The following UNC13D variants were observed in gnomAD, a reference collection of about 807,000 sequenced individuals.
UNC13D encodes unc-13 homolog D, also known as protein unc-13 homolog D.
UNC13D carries 115 observed loss-of-function variants against 151.7 expected under a neutral mutation model. That is an observed-to-expected ratio of 0.76 (90% CI 0.65 to 0.88). The LOEUF (loss-of-function observed/expected upper bound fraction) is 0.88, where lower values mean the gene tolerates loss of function less well. Ranked by LOEUF, UNC13D falls within the 40% of genes least tolerant of loss-of-function variation. The pLI is 0.00. For missense variants in UNC13D, 1,369 were observed against 1,438.7 expected (o/e 0.95, Z 0.78); for synonymous variants, 588 against 612.2 (o/e 0.96, Z 0.58).
intron 12 of UNC13D, among the ~76,000 whole-genome samples, chr17:75,839,393 T>A (rs181331389): frequency 2.1e-4 from 26 of 123,724 alleles, no homozygotes; most frequent in African/African-American, 9.1e-4. Context: ...GCAACAAGGG[T>A]GAAACTCCGT....
Position 75,844,221 on chromosome 17 carries a change from C to T in UNC13D, c.117G>A (p.Glu39=), listed in dbSNP as rs1386789985. ...CTCTCCCCAGTGAGGTCACTCCTAC[C>T]TCCGGGGCCATTTGGGGCGGGGGAT... ...LQDPPPQMAP[E]IQPPSHHFSP... is the part of the protein sequence containing the mutation. Residue 39 remains glutamate, a splice_region_variant and synonymous_variant, in exon 1 of 32, where the codon GAG becomes GAA. Transcript: ENST00000207549. The T allele has an allele frequency of 6.2e-7, 1 of 1,611,554 alleles. No homozygotes were observed. The highest frequency in any genetic ancestry group is 2.2e-5 in the East Asian group (1 of 44,882).
chr17:75,844,229 C>A lies in UNC13D; in HGVS notation c.109G>T (p.Ala37Ser). ...RDLQDPPPQM[A>S]PEIQPPSHHF... is the part of the protein sequence containing the mutation. ...AGTGAGGTCACTCCTACCTCCGGGG[C>A]CATTTGGGGCGGGGGATCCTGTAGA... The change falls in exon 1 of 32, where the codon GCC becomes TCC. Residue 37 changes from alanine to serine, a missense_variant. By Grantham distance (99) the Ala-to-Ser change is moderately conservative. Transcript: ENST00000207549. The A allele has an allele frequency of 6.2e-7, 1 of 1,611,888 alleles. No homozygotes were observed. The highest frequency in any genetic ancestry group is 1.1e-5 in the South Asian group (1 of 91,080).
At position 75,840,895 on chromosome 17, in the gene UNC13D, T is replaced by C. The variant is rs1471485460; in HGVS notation, c.614+62A>G. On this transcript the variant is annotated intron_variant, in intron 7 of 31. Coordinates refer to ENST00000207549, the MANE Select transcript of UNC13D (RefSeq NM_199242.3). The surrounding 1 kb of genome is among the most constrained non-coding windows in gnomAD (Gnocchi z 4.6). Reference sequence around the variant, plus strand: ...CCTACGACCTCTTCCAGGAGGAGGTTCCGCCTCTCTCACCCCAGATCCCTT... The same window carrying C: ...CCTACGACCTCTTCCAGGAGGAGGTCCCGCCTCTCTCACCCCAGATCCCTT... The C allele has an allele frequency of 1.9e-6, 3 of 1,613,742 alleles. No homozygotes were observed. The highest frequency in any genetic ancestry group is 2.5e-6 in the Non-Finnish European group (3 of 1,179,856).
Position 75,840,337 on chromosome 17 carries a change from G to T in UNC13D, c.754-8C>A. 6.2e-7 allele frequency: 1 copy of T among 1,613,232 alleles called. No homozygotes were observed. The highest frequency in any genetic ancestry group is 8.5e-7 in the Non-Finnish European group (1 of 1,179,842). ...CTCTCGGCAGCGCAGGTCCTGACAG[G>T]CGGGGATGCCCAGCCCGTGAGCGTC... is the stretch of plus-strand genomic sequence containing the variant. On this transcript the variant is annotated splice_polypyrimidine_tract_variant and splice_region_variant and intron_variant, in intron 9 of 31. Transcript: ENST00000207549. This position sits in a 1 kb window ranked among gnomAD's most constrained non-coding sequence, Gnocchi z 4.6.
In UNC13D at chr17:75,835,500, T is replaced by C. The variant is rs767803189; in HGVS notation, c.1757A>G (p.His586Arg). The C allele has an allele frequency of 6.8e-6, 11 of 1,609,204 alleles. No homozygotes were observed. In the South Asian group the frequency reaches 1.1e-4, roughly 16 times the overall value. Residue 586 changes from histidine (H) to arginine (R), a missense_variant, in exon 20 of 32, where the codon CAC (histidine) becomes CGC (arginine). Physicochemically the swap from His to Arg is conservative, Grantham distance 29. Coordinates refer to ENST00000207549, the MANE Select transcript of UNC13D (RefSeq NM_199242.3). ...RDGVLALDNF[H>R]RWFQPAIPSW... ...GGGGATGGCCGGCTGGAACCAGCGG[T>C]GGAAATTATCCAGGGCCAGGACTCC...
Position 75,828,891 on chromosome 17 carries a change from C to T in UNC13D, c.3047G>A (p.Gly1016Asp). Residue 1016 changes from glycine (G) to aspartate (D), a missense_variant, in exon 31 of 32, where the codon GGC becomes GAC. Gly to Asp is a moderately conservative substitution (Grantham distance 94). This residue lies in a region of UNC13D where 807 missense variants were observed against 795.5 expected (regional missense o/e 1.01). Coordinates refer to ENST00000207549, the MANE Select transcript of UNC13D (RefSeq NM_199242.3). ...CTCACGCAGCGGCAGGAAGGCCTCGCCTTCCAGGTCGTCGGCCCCCAGCGT... is the reference window on the plus strand; with the variant it reads ...CTCACGCAGCGGCAGGAAGGCCTCGTCTTCCAGGTCGTCGGCCCCCAGCGT... The part of the protein sequence containing the change: ...YDTLGADDLE[G>D]EAFLPLREVP... The T allele has an allele frequency of 3.1e-6, 5 of 1,606,438 alleles. No homozygotes were observed. Among genetic ancestry groups the T allele is most frequent in the Non-Finnish European group, 4.2e-6 (5 of 1,179,260 alleles).
chr17:75,844,081 C>A, intron 1 of UNC13D, 140 bp downstream of exon 1: 1 of 1,496,544 alleles, frequency 6.7e-7, no homozygotes, highest in Non-Finnish European at 9.0e-7. Context: ...AGGGGGCTCT[C>A]CCCAGGGTGG....
At position 75,839,826 on chromosome 17, in the gene UNC13D, G is replaced by A. The variant is rs2143891197; in HGVS notation, c.1055+13C>T. 1 of 1,613,186 alleles carries A rather than the reference G, an allele frequency of 6.2e-7. No homozygotes were observed. The highest frequency in any genetic ancestry group is 2.2e-5 in the East Asian group (1 of 44,874). ...TGGTGGCTCAGGGGTTCTGCCCAGG[G>A]CTGTGTACTCACGCCATGGACTGGT... On this transcript the variant is annotated intron_variant, in intron 12 of 31. Coordinates refer to ENST00000207549, the MANE Select transcript of UNC13D (RefSeq NM_199242.3).
Position 75,836,682 on chromosome 17 carries a change from G to T in UNC13D, c.1188C>A (p.Ala396=). The change falls in exon 14 of 32, where the codon GCC becomes GCA. Residue 396 remains alanine (A), a synonymous_variant. Coordinates refer to ENST00000207549, the MANE Select transcript of UNC13D (RefSeq NM_199242.3). ...AGGTCAGCAGGGAGCTGAATGAGGC[G>T]GCCAGCTCCTCCTGCTGAAGAGCCA... ...RLKAEQQEEL[A]ASFSSLLTYG... 1 of 1,613,640 alleles carries T rather than the reference G, an allele frequency of 6.2e-7. No individual in the cohort carries two copies. Among genetic ancestry groups the T allele is most frequent in the Non-Finnish European group, 8.5e-7 (1 of 1,180,032 alleles).
chr17:75,828,679 C>G, intron 31 of UNC13D, 108 bp downstream of exon 31: 1 of 1,274,892 alleles, frequency 7.8e-7, no homozygotes, highest in South Asian at 1.8e-5. Flanking sequence ...CACTGGCTCC[C>G]GTCTCCAGGG....
chr17:75,829,825 G>A, intron 30 of UNC13D: 2 of 689,844 alleles, frequency 2.9e-6, no homozygotes, highest in South Asian at 1.8e-5. Context: ...TGATCCGCCT[G>A]CCTCGGCCTC....
At chr17:75,829,882 A>G in intron 30 of UNC13D, 146 bp downstream of exon 30, 4 of 1,299,484 alleles carry the variant, frequency 3.1e-6, no homozygotes, top group Non-Finnish European at 2.1e-6. Flanking sequence ...CCAGCTGCAA[A>G]CTCTTGTCCC....
At chr17:75,830,720 C>G in intron 27 of UNC13D, 59 bp from the exon 28 acceptor site, 1 of 1,538,546 alleles carries the variant, frequency 6.5e-7, no homozygotes, top group Non-Finnish European at 8.8e-7. Context: ...CAGCCCAGGC[C>G]TGCCCTCCAG....
intron 12 of UNC13D, among the ~76,000 whole-genome samples, chr17:75,838,221 CT>C (rs953705567): frequency 2.2e-3 from 308 of 143,118 alleles, no homozygotes; most frequent in Admixed American, 2.2e-3. Flanking sequence ...TGTCCCATCT[CT>C]TTTTTTTTTT....
At chr17:75,829,929 C>CA (rs2062149502) in intron 30 of UNC13D, 99 bp downstream of exon 30, 1 of 1,539,930 alleles carries the variant, frequency 6.5e-7, no homozygotes, top group African/African-American at 1.4e-5. Flanking sequence ...GTGGCCATCT[C>CA]AGGGGAGCCC....
At chr17:75,829,839 A>G in intron 30 of UNC13D, 189 bp downstream of exon 30, 1 of 836,870 alleles carries the variant, frequency 1.2e-6, no homozygotes, top group South Asian at 1.7e-5. Flanking sequence ...CGGCCTCCCA[A>G]AGTGCTGTGA....
chr17:75,839,734 A>C (rs2064933758), intron 12 of UNC13D, 105 bp downstream of exon 12: 6 of 1,269,336 alleles, frequency 4.7e-6, no homozygotes, highest in Non-Finnish European at 5.7e-6. Context: ...TTTTGGGCCA[A>C]AGGGAACTCT....
At position 75,828,902 on chromosome 17, in the gene UNC13D, G is replaced by A. The variant is rs201238621; in HGVS notation, c.3036C>T (p.Asp1012=). The A allele has an allele frequency of 8.2e-5, 131 of 1,607,052 alleles. No homozygotes were observed. Among genetic ancestry groups the A allele is most frequent in the Non-Finnish European group, 1.0e-4 (121 of 1,179,666 alleles). Residue 1012 remains aspartate, a synonymous_variant, in exon 31 of 32, where the codon GAC becomes GAT. Coordinates refer to ENST00000207549, the MANE Select transcript of UNC13D (RefSeq NM_199242.3). ...GCAGGAAGGCCTCGCCTTCCAGGTC[G>A]TCGGCCCCCAGCGTGTCGTAGTCCA... ...TVLDYDTLGA[D]DLEGEAFLPL...
In UNC13D at chr17:75,831,340, G is replaced by A. The variant is rs752216934; in HGVS notation, c.2456C>T (p.Thr819Ile). 2 of 1,603,962 alleles carry A rather than the reference G, an allele frequency of 1.2e-6. No homozygotes were observed. Among genetic ancestry groups the A allele is most frequent in the Admixed American group, 3.3e-5 (2 of 59,810 alleles). ...TGTGAGTGTGTGGGTCCAGAGCAGG[G>A]TCAGGAGGCTGGGGCGGGGCCGGAG... ...LVQENFSSLL[T>I]LLWTHTLTVL... The change falls in exon 26 of 32, where the codon ACC (threonine) becomes ATC (isoleucine). Residue 819 changes from threonine (T) to isoleucine (I), a missense_variant. Coordinates refer to ENST00000207549, the MANE Select transcript of UNC13D (RefSeq NM_199242.3).
Sources: gnomAD v4.1 joint callset for allele counts (sites outside exome capture counted in the v4.1 genomes callset) on GRCh38, gnomAD v4.1.1 for gene constraint, gnomAD v4.1.1 regional missense constraint, Gnocchi (gnomAD v3.1) non-coding constraint, MANE v1.5 for transcripts, NCBI Gene and HGNC (gene_info 2026-07-23, HGNC 2026-07-21) for gene names.